The following CEP44 variants were observed in gnomAD, a reference collection of about 807,000 sequenced individuals.
CEP44 encodes centrosomal protein of 44 kDa.
Under a neutral mutation model 46.7 loss-of-function variants are expected in CEP44, and 45 were observed. The observed-to-expected ratio is 0.96, with a 90% CI of 0.76 to 1.24. The LOEUF (loss-of-function observed/expected upper bound fraction) is 1.24. Ranked by LOEUF, CEP44 falls within the 50% of genes most tolerant of loss-of-function variation. The pLI, the probability that CEP44 is intolerant of heterozygous loss-of-function variation, is 0.00. For missense variants in CEP44, 475 were observed against 459.7 expected (o/e 1.03, Z -0.30); for synonymous variants, 142 against 146.0 (o/e 0.97, Z 0.20).
rs1464952267 is a variant in CEP44, at chr4:174,286,832, T to A, written c.-148+2889T>A. ...GTTCAAATCTTTTGGTTCACGTATGTGTTTTTCTGTTGTGTACATTCTTCA... is the reference window on the plus strand; with the variant it reads ...GTTCAAATCTTTTGGTTCACGTATGAGTTTTTCTGTTGTGTACATTCTTCA... On this transcript the variant is annotated intron_variant, in intron 1 of 11. Transcript: ENST00000503780. The surrounding 1 kb of genome is among the most constrained non-coding windows in gnomAD (Gnocchi z 5.2). Among the ~76,000 whole-genome samples the A allele has an allele frequency of 6.6e-6, 1 of 152,236 alleles. No homozygotes were observed. Among genetic ancestry groups the A allele is most frequent in the Non-Finnish European group, 1.5e-5 (1 of 68,028 alleles).
chr4:174,332,271 TA>T (rs1731357535), exon 9 of CEP44: 1 of 152,112 alleles, frequency 6.6e-6, no homozygotes, highest in Admixed American at 6.5e-5. Flanking sequence ...TGAAGAAAAA[TA>T]AATTAAGTCC....
In CEP44 at chr4:174,314,642, CCCT is replaced by C. The variant is rs1183140097; in HGVS notation, c.962-1519_962-1517del. 1.3e-5 allele frequency among the ~76,000 whole-genome samples: 2 copies of C among 152,118 alleles called. No individual in the cohort carries two copies. The highest frequency in any genetic ancestry group is 2.1e-4 in the South Asian group (1 of 4,822). ...GGACCTGTTTCCTTTTCCTAGGGCCCCCTCCTCTTTTTGGAAAGATGTCCGAAA... is the reference window on the plus strand; with the variant it reads ...GGACCTGTTTCCTTTTCCTAGGGCCCCCTCTTTTTGGAAAGATGTCCGAAA... On this transcript the variant is annotated intron_variant, in intron 9 of 11. Coordinates refer to ENST00000503780, the MANE Select transcript of CEP44 (RefSeq NM_001040157.3). The surrounding 1 kb of genome is among the most constrained non-coding windows in gnomAD (Gnocchi z 4.1).
In CEP44 at chr4:174,318,840, C is replaced by T. The variant is rs375443746; in HGVS notation, c.*1457C>T. On this transcript the variant is annotated 3_prime_UTR_variant, in exon 12 of 12. Transcript: ENST00000503780. ...TTTTTTTCTTTTTGAAACAGGGTCT[C>T]ACTCTATTGCCCAGGCTGGAGTGCA... The T allele has an allele frequency of 1.8e-6, 1 of 556,920 alleles. No individual in the cohort carries two copies. The highest frequency in any genetic ancestry group is 2.1e-5 in the African/African-American group (1 of 48,008). The allele number at this position is 556,920 out of a possible 1,614,324, so 34.5% of individuals were successfully genotyped here. A position where few individuals can be genotyped will look rare whatever the true frequency, so the allele number is the denominator to read the frequency against.
At chr4:174,289,100 A>G (rs1579061795) in intron 1 of CEP44, among the ~76,000 whole-genome samples, 2 of 152,198 alleles carry the variant, frequency 1.3e-5, no homozygotes, top group Non-Finnish European at 2.9e-5. Flanking sequence ...TTGCATCACA[A>G]TGAAAAATCC....
intron 6 of CEP44, among the ~76,000 whole-genome samples, chr4:174,306,353 G>A (rs971339890): frequency 3.3e-5 from 5 of 152,064 alleles, no homozygotes; most frequent in Admixed American, 1.3e-4. Flanking sequence ...TTATTTATAA[G>A]TGAATTATTT....
chr4:174,294,479 A>G (rs1371976773), intron 1 of CEP44, among the ~76,000 whole-genome samples: 6 of 151,306 alleles, frequency 4.0e-5, no homozygotes, highest in Non-Finnish European at 5.9e-5. Context: ...CGATTTCTCA[A>G]TCCTTTCCCC....
chr4:174,284,079 C>T (rs1002519961), intron 1 of CEP44, 136 bp downstream of exon 1: 2 of 399,012 alleles, frequency 5.0e-6, no homozygotes, highest in Non-Finnish European at 4.4e-6. Flanking sequence ...TGCATATGCT[C>T]CGTTTTCCTC....
At position 174,320,297 on chromosome 4, in the gene CEP44, A is replaced by G. The variant is rs1742197123; in HGVS notation, c.*2914A>G. On this transcript the variant is annotated 3_prime_UTR_variant, in exon 12 of 12. Coordinates refer to ENST00000503780, the MANE Select transcript of CEP44 (RefSeq NM_001040157.3). ...CTACTGTTTTTAATGTGATGTTGTA[A>G]TATATTTTAAAAATAAAACTTGAAA... 4 of 977,936 alleles carry G rather than the reference A, an allele frequency of 4.1e-6. No individual in the cohort carries two copies. The highest frequency in any genetic ancestry group is 4.9e-6 in the Non-Finnish European group (4 of 823,364). The allele number at this position is 977,936 out of a possible 1,614,324, so 60.6% of individuals were successfully genotyped here. A position where few individuals can be genotyped will look rare whatever the true frequency, so the allele number is the denominator to read the frequency against.
At chr4:174,295,974 G>T (rs545998388) in intron 1 of CEP44, among the ~76,000 whole-genome samples, 1 of 152,280 alleles carries the variant, frequency 6.6e-6, no homozygotes, top group South Asian at 2.1e-4. Flanking sequence ...TCTTTGACCT[G>T]CTAATGTGGC....
intron 3 of CEP44, 31 bp downstream of exon 3, chr4:174,299,241 C>A: frequency 6.5e-7 from 1 of 1,539,432 alleles, no homozygotes; most frequent in Non-Finnish European, 8.9e-7. Flanking sequence ...TAATTGTATT[C>A]TTCTTGCTAG....
intron 6 of CEP44, among the ~76,000 whole-genome samples, chr4:174,307,201 A>G (rs560272946): frequency 2.0e-5 from 3 of 152,288 alleles, no homozygotes; most frequent in South Asian, 4.1e-4. Flanking sequence ...ATGCTACCCA[A>G]CTTCAAACTA....
chr4:174,287,725 C>T lies in CEP44; in HGVS notation c.-148+3782C>T, dbSNP rs923737110. On this transcript the variant is annotated intron_variant, in intron 1 of 11. Transcript: ENST00000503780. This position sits in a 1 kb window ranked among gnomAD's most constrained non-coding sequence, Gnocchi z 5.1. ...AGATCAAAAAGTGACCAAAATTGTT[C>T]AAAAGGTACAATTTATTATAGGATA... is the stretch of plus-strand genomic sequence containing the variant. Among the ~76,000 whole-genome samples the T allele has an allele frequency of 5.3e-5, 8 of 152,012 alleles. No homozygotes were observed. Among genetic ancestry groups the T allele is most frequent in the African/African-American group, 1.9e-4 (8 of 41,374 alleles).
chr4:174,315,840 CAAAA>C (rs58586936), intron 9 of CEP44, among the ~76,000 whole-genome samples: 2 of 95,748 alleles, frequency 2.1e-5, no homozygotes. Context: ...GACTCCGTCT[CAAAA>C]AAAAAAAAAA....
At chr4:174,308,589 T>A (rs1302915757) in intron 6 of CEP44, 100 bp from the exon 7 acceptor site, 17 of 1,153,288 alleles carry the variant, frequency 1.5e-5, no homozygotes, top group Non-Finnish European at 2.0e-5. Context: ...TTTACTTGTG[T>A]AACAAACCTG....
Position 174,331,016 on chromosome 4 carries a change from C to T in CEP44, c.1087-466C>T, listed in dbSNP as rs951293449. 2.0e-5 allele frequency among the ~76,000 whole-genome samples: 3 copies of T among 152,128 alleles called. No homozygotes were observed. The highest frequency in any genetic ancestry group is 7.2e-5 in the African/African-American group (3 of 41,446). ...GTATTATTATTTTAGGATGTGCTTT[C>T]AGGATATGCAGTGGTTAAGGCACTT... On this transcript the variant is annotated intron_variant, in intron 8 of 8. Transcript: ENST00000426172. The surrounding 1 kb of genome is among the most constrained non-coding windows in gnomAD (Gnocchi z 4.5).
At chr4:174,284,282 C>T (rs932036364) in intron 1 of CEP44, 37 of 389,426 alleles carry the variant, frequency 9.5e-5, no homozygotes, top group Non-Finnish European at 7.7e-5. Context: ...GGGAGGGGAG[C>T]CTTGCTTATA....
At position 174,283,956 on chromosome 4, in the gene CEP44, C is replaced by T. The variant is rs1737236175; in HGVS notation, c.-148+13C>T. The T allele has an allele frequency of 1.0e-5, 4 of 399,150 alleles. No individual in the cohort carries two copies. The East Asian group carries it at 1.4e-4, about 14-fold the overall frequency. The allele number at this position is 399,150 out of a possible 1,614,324, so 24.7% of individuals were successfully genotyped here. ...AGGTCTTGCGGTGGTGCGTGGCGGG[C>T]AGGAACCCACAATTCCAAATACAAA... On this transcript the variant is annotated intron_variant, in intron 1 of 11. Coordinates refer to ENST00000503780, the MANE Select transcript of CEP44 (RefSeq NM_001040157.3). The surrounding 1 kb of genome is among the most constrained non-coding windows in gnomAD (Gnocchi z 6.7).
chr4:174,295,051 C>T (rs1238005274), intron 1 of CEP44, among the ~76,000 whole-genome samples: 10 of 141,180 alleles, frequency 7.1e-5, no homozygotes, highest in Admixed American at 1.4e-4. Flanking sequence ...ACCTCCCTCC[C>T]GGACGGGGCG....
At position 174,326,428 on chromosome 4, in the gene CEP44, T is replaced by C. The variant is rs13107132; in HGVS notation, c.1087-5054T>C. 0.66 allele frequency among the ~76,000 whole-genome samples: 100,485 copies of C among 151,786 alleles called. 33,523 individuals are homozygous for C. The highest frequency in any genetic ancestry group is 0.75 in the East Asian group (3,896 of 5,180). On this transcript the variant is annotated intron_variant, in intron 8 of 8. Transcript: ENST00000426172. This position sits in a 1 kb window ranked among gnomAD's most constrained non-coding sequence, Gnocchi z 4.8. ...CTTACGATAATATACTTTTCATTCT[T>C]TCTGCGCCCGCCAAGCCTTTTTTTG...
Sources: gnomAD v4.1 joint callset for allele counts (sites outside exome capture counted in the v4.1 genomes callset) on GRCh38, gnomAD v4.1.1 for gene constraint, Gnocchi (gnomAD v3.1) non-coding constraint, MANE v1.5 for transcripts, NCBI Gene and HGNC (gene_info 2026-07-23, HGNC 2026-07-21) for gene names.